Variants in POFUT4 observed in about 807,000 individuals in gnomAD.
The protein encoded by POFUT4 is protein O-fucosyltransferase 4.
At chr10:73,773,156 C>G in the POFUT4 span, 175 of 1,566,782 alleles carry the variant, frequency 1.1e-4, 2 homozygotes, top group African/African-American at 1.6e-3. Flanking sequence ...TCCAGGGCCG[C>G]ACCCTCATGA....
chr10:73,773,219 T>A, the POFUT4 span: 24 of 1,612,704 alleles, frequency 1.5e-5, no homozygotes, highest in Non-Finnish European at 1.9e-5. Flanking sequence ...GCCTGCAGAA[T>A]CGGGAGCTGC....
At chr10:73,773,684 C>T in the POFUT4 span, 12 of 1,614,114 alleles carry the variant, frequency 7.4e-6, no homozygotes, top group Non-Finnish European at 9.3e-6. Context: ...GGCTGGATGC[C>T]GAGAAAGCCC....
At chr10:73,774,661 C>T in the POFUT4 span, 1 of 152,234 alleles carries the variant, frequency 6.6e-6, no homozygotes, top group South Asian at 2.1e-4. Flanking sequence ...GATCGTGCCA[C>T]TGCATTCCAG....
At chr10:73,779,943 A>G in the POFUT4 span, 2 of 152,346 alleles carry the variant, frequency 1.3e-5, no homozygotes, top group Middle Eastern at 3.4e-3. Flanking sequence ...CGTACTCACA[A>G]AAGAGCAGTG....
At chr10:73,773,420 C>G in the POFUT4 span, 1 of 1,614,254 alleles carries the variant, frequency 6.2e-7, no homozygotes, top group Non-Finnish European at 8.5e-7. Context: ...CTGTGAGGGA[C>G]TGGATGCCGA....
the POFUT4 span, chr10:73,772,872 C>A: frequency 1.9e-6 from 3 of 1,612,366 alleles, no homozygotes; most frequent in Non-Finnish European, 2.5e-6. Context: ...TACCCGCTGT[C>A]GCTGCAGTGG....
At chr10:73,775,754 C>T in the POFUT4 span, 2 of 1,479,228 alleles carry the variant, frequency 1.4e-6, no homozygotes, top group Middle Eastern at 1.8e-4. Context: ...ACATAAGGAG[C>T]ATCCACTGCA....
the POFUT4 span, chr10:73,772,393 A>G: frequency 6.4e-7 from 1 of 1,568,322 alleles, no homozygotes; most frequent in African/African-American, 1.4e-5. Context: ...GTGTCTGTGC[A>G]GCCAGCGGCC....
chr10:73,773,044 G>A, the POFUT4 span: 3 of 1,566,696 alleles, frequency 1.9e-6, no homozygotes, highest in Admixed American at 3.6e-5. Flanking sequence ...ACATCCCGGT[G>A]AGTGAGGGCG....
the POFUT4 span, chr10:73,772,979 TCA>T: frequency 1.2e-6 from 2 of 1,601,036 alleles, no homozygotes; most frequent in East Asian, 4.5e-5. Flanking sequence ...CTATCTGCAG[TCA>T]CACTGCGACG....
the POFUT4 span, among the ~76,000 whole-genome samples, chr10:73,778,551 G>A: frequency 3.3e-5 from 5 of 152,050 alleles, no homozygotes; most frequent in African/African-American, 1.2e-4. Context: ...GGCTACTCTA[G>A]TTGTAATGTA....
At chr10:73,775,301 C>T in the POFUT4 span, 3 of 939,552 alleles carry the variant, frequency 3.2e-6, no homozygotes, top group Non-Finnish European at 4.9e-6. Flanking sequence ...GAGCCAGAAG[C>T]AGGCAAGTCA....
At chr10:73,772,281 T>TC in the POFUT4 span, 2 of 1,360,476 alleles carry the variant, frequency 1.5e-6, no homozygotes, top group South Asian at 3.5e-5. Flanking sequence ...GTCACGACTA[T>TC]CCGCTGGGCG....
chr10:73,775,619 T>C, the POFUT4 span: 8 of 1,614,056 alleles, frequency 5.0e-6, no homozygotes, highest in Admixed American at 1.0e-4. Flanking sequence ...TCCACAACAA[T>C]GAAACAGAGC....
the POFUT4 span, chr10:73,775,618 A>G: frequency 4.3e-6 from 7 of 1,614,238 alleles, no homozygotes; most frequent in East Asian, 6.7e-5. Flanking sequence ...ATCCACAACA[A>G]TGAAACAGAG....
At chr10:73,773,448 CTGAT>C in the POFUT4 span, 1 of 1,614,230 alleles carries the variant, frequency 6.2e-7, no homozygotes, top group Non-Finnish European at 8.5e-7. Flanking sequence ...CTCCGTCATC[CTGAT>C]TGATGATTTT....
chr10:73,778,508 C>T, the POFUT4 span, among the ~76,000 whole-genome samples: 11 of 151,288 alleles, frequency 7.3e-5, no homozygotes, highest in Non-Finnish European at 1.3e-4. Context: ...CTTTCTGGGG[C>T]AGTGGGACAG....
chr10:73,773,563 A>G, the POFUT4 span: 1 of 1,614,126 alleles, frequency 6.2e-7, no homozygotes, highest in African/African-American at 1.3e-5. Context: ...GGCATCACCA[A>G]CCAATTTCTT....
the POFUT4 span, among the ~76,000 whole-genome samples, chr10:73,778,134 G>A: frequency 5.1e-5 from 2 of 39,516 alleles, no homozygotes; most frequent in African/African-American, 2.3e-4. Flanking sequence ...AAAGTGCTGG[G>A]ATTACAGGAG....
Sources: gnomAD v4.1 joint callset for allele counts (sites outside exome capture counted in the v4.1 genomes callset) on GRCh38, gnomAD v4.1.1 for gene constraint, MANE v1.5 for transcripts, NCBI Gene and HGNC (gene_info 2026-07-23, HGNC 2026-07-21) for gene names.